MYBL2: variants seen among roughly 807,000 people sequenced by gnomAD.
MYBL2 encodes MYB proto-oncogene like 2.
A neutral mutation model predicts 79.9 loss-of-function variants in MYBL2; 28 were observed. That is an observed-to-expected ratio of 0.35 (90% CI 0.26 to 0.48). The LOEUF (loss-of-function observed/expected upper bound fraction) is 0.48. Ranked by LOEUF, MYBL2 falls within the 20% of genes least tolerant of loss-of-function variation. MYBL2 has a pLI of 0.99. For synonymous variants in MYBL2, 378 were observed against 361.2 expected (o/e 1.05, Z -0.53); for missense variants, 735 against 893.9 (o/e 0.82, Z 2.27).
intron 6 of MYBL2, among the ~76,000 whole-genome samples, chr20:43,692,587 C>T (rs1273654158): frequency 6.6e-6 from 1 of 152,126 alleles, no homozygotes; most frequent in Non-Finnish European, 1.5e-5. Context: ...TGGCCACCTT[C>T]TTACCTGTTG....
chr20:43,710,828 G>C (rs1038244146), intron 10 of MYBL2, among the ~76,000 whole-genome samples: 2 of 152,188 alleles, frequency 1.3e-5, no homozygotes, highest in Non-Finnish European at 2.9e-5. Flanking sequence ...ACTAGTTAGT[G>C]CTCCTTTCCT....
chr20:43,709,648 C>T (rs73276084), intron 9 of MYBL2, among the ~76,000 whole-genome samples: 3 of 152,186 alleles, frequency 2.0e-5, no homozygotes, highest in Non-Finnish European at 4.4e-5. Flanking sequence ...CACCTTGCTC[C>T]GTGCCCCCTC....
intron 12 of MYBL2, 64 bp from the exon 13 acceptor site, chr20:43,715,069 GT>G (rs1987997424): frequency 6.3e-7 from 1 of 1,594,264 alleles, no homozygotes; most frequent in African/African-American, 1.3e-5. Flanking sequence ...GGGATTGCGG[GT>G]TTTTTTCTTC....
At chr20:43,695,697 A>G (rs1987523499) in intron 6 of MYBL2, among the ~76,000 whole-genome samples, 1 of 151,916 alleles carries the variant, frequency 6.6e-6, no homozygotes, top group South Asian at 2.1e-4. Context: ...AAAAAAAAAA[A>G]AAAGCTGGTG....
rs1260171541 is a variant in MYBL2 at position 43,705,262 on chromosome 20, G to C, written c.1409G>C (p.Ser470Thr). 1.7e-5 allele frequency: 27 copies of C among 1,614,066 alleles called. No homozygotes were observed. Among genetic ancestry groups the C allele is most frequent in the Non-Finnish European group, 2.2e-5 (26 of 1,179,984 alleles). ...WNKQDTLELESPSLTSTPVCS... is the reference protein window; with the variant it reads ...WNKQDTLELETPSLTSTPVCS... Reference sequence around the variant, plus strand: ...AAACAGGACACATTGGAGCTGGAGAGCCCCTCGCTGACATCCACCCCAGTG... The same window carrying C: ...AAACAGGACACATTGGAGCTGGAGACCCCCTCGCTGACATCCACCCCAGTG... The change falls in exon 9 of 14, where the codon AGC (serine) becomes ACC (threonine). Residue 470 changes from serine to threonine, a missense_variant. Around this residue, in one of 5 missense-constraint regions of MYBL2, gnomAD observed 243 missense variants for 327.2 expected, o/e 0.74. Transcript: ENST00000217026.
At chr20:43,676,055 C>T (rs1426607944) in intron 2 of MYBL2, among the ~76,000 whole-genome samples, 1 of 151,898 alleles carries the variant, frequency 6.6e-6, no homozygotes, top group Non-Finnish European at 1.5e-5. Flanking sequence ...CAGGCACGTG[C>T]CACCACGCCT....
At chr20:43,705,857 C>T (rs182082989) in intron 9 of MYBL2, among the ~76,000 whole-genome samples, 23 of 152,002 alleles carry the variant, frequency 1.5e-4, no homozygotes, top group East Asian at 5.8e-4. Context: ...TCCGCCACCG[C>T]GCTCAGCTAA....
intron 11 of MYBL2, 33 bp from the exon 12 acceptor site, chr20:43,712,969 C>A: frequency 6.5e-7 from 1 of 1,537,716 alleles, no homozygotes. Flanking sequence ...TCCAGACACT[C>A]ACCCTAACCC....
chr20:43,671,346 C>T (rs1477840606), intron 1 of MYBL2, among the ~76,000 whole-genome samples: 2 of 151,178 alleles, frequency 1.3e-5, no homozygotes, highest in Non-Finnish European at 2.9e-5. Flanking sequence ...TTAGTAGAGA[C>T]ATCATTTCAC....
chr20:43,667,431 GT>G, intron 1 of MYBL2, 128 bp downstream of exon 1: 1 of 649,960 alleles, frequency 1.5e-6, no homozygotes, highest in Non-Finnish European at 2.1e-6. Flanking sequence ...GGGGTGGGGT[GT>G]TTCCGCGGAA....
At chr20:43,685,311 G>A (rs1987246758) in intron 4 of MYBL2, among the ~76,000 whole-genome samples, 1 of 151,646 alleles carries the variant, frequency 6.6e-6, no homozygotes, top group African/African-American at 2.4e-5. Context: ...CTCCGGAGCA[G>A]CTGAGATTAC....
intron 5 of MYBL2, among the ~76,000 whole-genome samples, chr20:43,691,273 G>A (rs1219498525): frequency 3.9e-5 from 6 of 151,998 alleles, no homozygotes. Context: ...AGAGTTCCAA[G>A]CACATATCTT....
At chr20:43,714,481 A>G (rs1367489670) in intron 12 of MYBL2, among the ~76,000 whole-genome samples, 1 of 152,140 alleles carries the variant, frequency 6.6e-6, no homozygotes, top group East Asian at 1.9e-4. Flanking sequence ...CACGGCACCC[A>G]TCCCAGGGCT....
At chr20:43,710,924 G>T (rs1987890701) in intron 10 of MYBL2, among the ~76,000 whole-genome samples, 1 of 152,198 alleles carries the variant, frequency 6.6e-6, no homozygotes, top group Non-Finnish European at 1.5e-5. Context: ...GACCTTGGCA[G>T]CTGTAATTAA....
At position 43,711,543 on chromosome 20, in the gene MYBL2, G is replaced by A. The variant is rs1015074116; in HGVS notation, c.1661G>A (p.Gly554Asp). Residue 554 changes from glycine (G) to aspartate (D), a missense_variant, in exon 11 of 14, where the codon GGC becomes GAC. Physicochemically the swap from Gly to Asp is moderately conservative, Grantham distance 94 (BLOSUM62 -1). Coordinates refer to ENST00000217026, the MANE Select transcript of MYBL2 (RefSeq NM_002466.4). Reference protein sequence around the residue: ...DLKEVLRSEAGIELIIEDDIR... With the variant: ...DLKEVLRSEADIELIIEDDIR... ...AAGGAGGTGCTGCGTTCTGAGGCTGGCATCGAACTCATCATCGAGGACGAC... is the reference window on the plus strand; with the variant it reads ...AAGGAGGTGCTGCGTTCTGAGGCTGACATCGAACTCATCATCGAGGACGAC... The A allele has an allele frequency of 8.1e-6, 13 of 1,613,694 alleles. No homozygotes were observed. Among genetic ancestry groups the A allele is most frequent in the African/African-American group, 1.3e-5 (1 of 74,898 alleles).
At chr20:43,681,530 A>G (rs1057076869) in intron 2 of MYBL2, among the ~76,000 whole-genome samples, 10 of 152,190 alleles carry the variant, frequency 6.6e-5, no homozygotes, top group African/African-American at 2.2e-4. Context: ...GTACCTCTCC[A>G]TATCTCCCAG....
rs1555809911 is a variant in MYBL2, at chr20:43,674,225, C to CG, written c.114+326_114+327insG. ...AGGAGGTTTGGCCAAATCTGTAACT[C>CG]CCCCCACCCTTTTTTTTTTTTTTTT... On this transcript the variant is annotated intron_variant, in intron 2 of 13. Transcript: ENST00000217026. Among the ~76,000 whole-genome samples the CG allele has an allele frequency of 7.9e-4, 13 of 16,444 alleles. 1 individual carries two copies. Among genetic ancestry groups the CG allele is most frequent in the Non-Finnish European group, 1.6e-3 (7 of 4,450 alleles). The allele number at this position is 16,444 out of a possible 152,430, so 10.8% of individuals were successfully genotyped here.
chr20:43,702,440 T>C (rs1383460441), intron 7 of MYBL2, 50 bp from the exon 8 acceptor site: 1 of 1,522,564 alleles, frequency 6.6e-7, no homozygotes, highest in Admixed American at 1.9e-5. Flanking sequence ...ATGAGTCCTC[T>C]TGTATTAAGA....
chr20:43,671,575 C>T (rs980049664), intron 1 of MYBL2, among the ~76,000 whole-genome samples: 3 of 148,084 alleles, frequency 2.0e-5, no homozygotes, highest in East Asian at 4.0e-4. Context: ...CAGGTTCAAG[C>T]GATTCTCCTG....
Sources: allele counts gnomAD v4.1 joint callset (sites outside exome capture counted in the v4.1 genomes callset), GRCh38; gene constraint gnomAD v4.1.1; regional missense constraint gnomAD v4.1.1; transcripts MANE v1.5; gene names NCBI Gene and HGNC (gene_info 2026-07-23, HGNC 2026-07-21).